The following KHDRBS2 variants were observed in gnomAD, a reference collection of about 807,000 sequenced individuals.
KHDRBS2 encodes the protein KH RNA binding domain containing, signal transduction associated 2, also known as KH domain-containing, RNA-binding, signal transduction-associated protein 2.
KHDRBS2 carries 26 observed loss-of-function variants against 44.3 expected under a neutral mutation model. That is an observed-to-expected ratio of 0.59 (90% CI 0.43 to 0.81). The LOEUF (loss-of-function observed/expected upper bound fraction) is 0.81. Among genes scored for constraint, KHDRBS2 ranks in the 40% least tolerant of loss-of-function variants. The pLI, the probability that KHDRBS2 is intolerant of heterozygous loss-of-function variation, is 0.00. For synonymous variants in KHDRBS2, 194 were observed against 151.1 expected (o/e 1.28, Z -2.08); for missense variants, 476 against 433.1 (o/e 1.10, Z -0.88).
At position 62,117,870 on chromosome 6, in the gene KHDRBS2, G is replaced by C. The variant is rs1188344830; in HGVS notation, c.219+59315C>G. Among the ~76,000 whole-genome samples the C allele has an allele frequency of 2.0e-5, 3 of 151,884 alleles. No homozygotes were observed. The South Asian group carries it at 6.2e-4, about 32-fold the overall frequency. ...AGCTCACTGAAACCTCTGCCTCCTC[G>C]GTTTAAGTGATTTTCCTGTTTCAGT... On this transcript the variant is annotated intron_variant, in intron 2 of 8. Transcript: ENST00000281156.
chr6:61,607,519 G>GAAAAAAA, the KHDRBS2 span, among the ~76,000 whole-genome samples: 4,154 of 23,232 alleles, frequency 0.18, 587 homozygotes, highest in Admixed American at 0.19. Flanking sequence ...TGAGTTCCAA[G>GAAAAAAA]CAAAAAAAAA....
chr6:61,672,625 T>G, the KHDRBS2 span, among the ~76,000 whole-genome samples: 1 of 152,096 alleles, frequency 6.6e-6, no homozygotes, highest in Non-Finnish European at 1.5e-5. Context: ...CATGTGTCTT[T>G]TGGCTGCATA....
intron 2 of KHDRBS2, among the ~76,000 whole-genome samples, chr6:62,076,178 A>T (rs1796299941): frequency 6.6e-6 from 1 of 151,950 alleles, no homozygotes; most frequent in African/African-American, 2.4e-5. Flanking sequence ...GAGTTTTTTC[A>T]TAGATGATAA....
intron 8 of KHDRBS2, among the ~76,000 whole-genome samples, chr6:61,695,705 A>G (rs1017302862): frequency 6.6e-6 from 1 of 152,212 alleles, no homozygotes; most frequent in Non-Finnish European, 1.5e-5. Context: ...AGAAATAAAT[A>G]CAAAATATCT....
intron 6 of KHDRBS2, among the ~76,000 whole-genome samples, chr6:61,890,682 C>G (rs1037727079): frequency 1.3e-5 from 2 of 152,192 alleles, no homozygotes; most frequent in Admixed American, 1.3e-4. Context: ...AAAAAGTGAT[C>G]CTACCACCCT....
the KHDRBS2 span, among the ~76,000 whole-genome samples, chr6:61,606,766 C>T: frequency 2.6e-5 from 4 of 152,162 alleles, no homozygotes; most frequent in East Asian, 1.9e-4. Flanking sequence ...AGGAGGGCTT[C>T]AGAGAAGGCC....
At chr6:61,687,616 TA>T (rs1231126428) in intron 8 of KHDRBS2, among the ~76,000 whole-genome samples, 3 of 151,868 alleles carry the variant, frequency 2.0e-5, no homozygotes, top group African/African-American at 4.8e-5. Context: ...TCTGCAATCT[TA>T]AAACCATTTT....
chr6:61,967,065 A>T (rs1057134869), intron 4 of KHDRBS2, among the ~76,000 whole-genome samples: 1 of 151,910 alleles, frequency 6.6e-6, no homozygotes, highest in Non-Finnish European at 1.5e-5. Flanking sequence ...AAAAAATAGA[A>T]TTATGGTAGT....
chr6:61,839,744 G>A (rs1277868488), intron 6 of KHDRBS2, among the ~76,000 whole-genome samples: 1 of 152,078 alleles, frequency 6.6e-6, no homozygotes, highest in Non-Finnish European at 1.5e-5. Flanking sequence ...GAACACAGGT[G>A]TTTTGATATC....
the KHDRBS2 span, among the ~76,000 whole-genome samples, chr6:61,628,232 TTTTTTTTTTC>T: frequency 1.0e-4 from 10 of 96,582 alleles, 1 homozygote; most frequent in South Asian, 1.6e-3. Context: ...TTTTTTTTTT[TTTTTTTTTTC>T]AACCTGGGCT....
At chr6:61,554,804 ATTC>A in the KHDRBS2 span, among the ~76,000 whole-genome samples, 1 of 152,192 alleles carries the variant, frequency 6.6e-6, no homozygotes, top group Non-Finnish European at 1.5e-5. Flanking sequence ...TTGGTCAGAA[ATTC>A]TTCTCTTTAA....
At chr6:61,994,707 C>A (rs1776837667) in intron 3 of KHDRBS2, among the ~76,000 whole-genome samples, 1 of 152,072 alleles carries the variant, frequency 6.6e-6, no homozygotes, top group South Asian at 2.1e-4. Context: ...GGCTTATATA[C>A]TCATTCAGCA....
At chr6:62,282,866 C>G (rs1312965811) in intron 1 of KHDRBS2, among the ~76,000 whole-genome samples, 1 of 152,050 alleles carries the variant, frequency 6.6e-6, no homozygotes, top group Non-Finnish European at 1.5e-5. Context: ...AGTCCAACTC[C>G]TTAATTTGAG....
chr6:62,085,254 A>T (rs1798174281), intron 2 of KHDRBS2, among the ~76,000 whole-genome samples: 3 of 152,146 alleles, frequency 2.0e-5, no homozygotes, highest in African/African-American at 7.2e-5. Flanking sequence ...AGGTTAGATG[A>T]AATTCTGAAT....
the KHDRBS2 span, among the ~76,000 whole-genome samples, chr6:61,584,150 A>C: frequency 3.3e-5 from 5 of 151,774 alleles, no homozygotes; most frequent in African/African-American, 7.2e-5. Flanking sequence ...TGTTATCTGC[A>C]TGTCAAAGAT....
intron 6 of KHDRBS2, among the ~76,000 whole-genome samples, chr6:61,803,639 CT>C (rs1388135713): frequency 6.6e-6 from 1 of 152,058 alleles, no homozygotes. Context: ...ATCCTCATTA[CT>C]TATGCCATGA....
intron 7 of KHDRBS2, among the ~76,000 whole-genome samples, chr6:61,700,503 C>A (rs1768481694): frequency 6.6e-6 from 1 of 150,542 alleles, no homozygotes; most frequent in Non-Finnish European, 1.5e-5. Context: ...ACAGTCTATA[C>A]CTTAGATTAT....
At chr6:61,738,638 G>C (rs1359582340) in intron 6 of KHDRBS2, among the ~76,000 whole-genome samples, 1 of 151,840 alleles carries the variant, frequency 6.6e-6, no homozygotes, top group Non-Finnish European at 1.5e-5. Flanking sequence ...TGGGTATTGG[G>C]CAAAGCAACA....
At chr6:62,205,816 C>G (rs1483508101) in intron 1 of KHDRBS2, among the ~76,000 whole-genome samples, 1 of 152,090 alleles carries the variant, frequency 6.6e-6, no homozygotes, top group Admixed American at 6.6e-5. Flanking sequence ...AACTGTCTAT[C>G]ATGGATTACT....
Sources: allele counts gnomAD v4.1 joint callset (sites outside exome capture counted in the v4.1 genomes callset), GRCh38; gene constraint gnomAD v4.1.1; transcripts MANE v1.5; gene names NCBI Gene and HGNC (gene_info 2026-07-23, HGNC 2026-07-21).